The following CEP112 variants were observed in gnomAD, a reference collection of about 807,000 sequenced individuals.
CEP112 encodes centrosomal protein of 112 kDa.
In CEP112, 127 loss-of-function variants were observed where a neutral mutation model predicts 153.0. The ratio of observed to expected loss-of-function variants is 0.83; its 90% CI spans 0.72 to 0.96. The LOEUF is 0.96. Ranked by LOEUF, CEP112 falls within the 40% of genes least tolerant of loss-of-function variation. The pLI is 0.00. For missense variants in CEP112, 1,089 were observed against 1,101.2 expected (o/e 0.99, Z 0.16); for synonymous variants, 358 against 374.4 (o/e 0.96, Z 0.51).
intron 8 of CEP112, among the ~76,000 whole-genome samples, chr17:66,076,379 G>A (rs2067497689): frequency 6.6e-6 from 1 of 152,120 alleles, no homozygotes; most frequent in South Asian, 2.1e-4. Flanking sequence ...CATGGTGGGG[G>A]TGAGACCAGC....
intron 23 of CEP112, among the ~76,000 whole-genome samples, chr17:65,713,999 T>C (rs539771720): frequency 1.4e-4 from 21 of 152,184 alleles, no homozygotes; most frequent in Non-Finnish European, 2.8e-4. Context: ...GGATTTTGTT[T>C]TCTTTTTTAG....
chr17:66,107,533 T>C lies in CEP112; in HGVS notation c.643-10901A>G, dbSNP rs1325940363. 2.6e-5 allele frequency among the ~76,000 whole-genome samples: 4 copies of C among 152,034 alleles called. No individual in the cohort carries two copies. In the East Asian group the frequency reaches 7.7e-4, roughly 29 times the overall value. On this transcript the variant is annotated intron_variant, in intron 6 of 26. Transcript: ENST00000535342. ...CCTGAAAAAGAAATCAACAAATTAATTCCATTTACAATAGATACAAATAAA... is the reference window on the plus strand; with the variant it reads ...CCTGAAAAAGAAATCAACAAATTAACTCCATTTACAATAGATACAAATAAA...
intron 4 of CEP112, among the ~76,000 whole-genome samples, chr17:66,167,643 T>C (rs2072034741): frequency 6.6e-6 from 1 of 152,120 alleles, no homozygotes; most frequent in Non-Finnish European, 1.5e-5. Flanking sequence ...AAAAAACAGA[T>C]AAAACTGAAA....
Position 65,700,421 on chromosome 17 carries a change from T to C in CEP112, c.2608-11203A>G, listed in dbSNP as rs572399837. ...AAAGCAACAAACGCCAGGGAAAGTTTAGACAGTGAGAACTTCCTCAAGGAG... is the reference window on the plus strand; with the variant it reads ...AAAGCAACAAACGCCAGGGAAAGTTCAGACAGTGAGAACTTCCTCAAGGAG... On this transcript the variant is annotated intron_variant, in intron 23 of 26. Transcript: ENST00000535342. 6.6e-5 allele frequency among the ~76,000 whole-genome samples: 10 copies of C among 152,268 alleles called. No individual in the cohort carries two copies. In the South Asian group the frequency reaches 2.1e-3, roughly 32 times the overall value.
intron 20 of CEP112, among the ~76,000 whole-genome samples, chr17:65,866,948 A>C (rs183751997): frequency 6.6e-6 from 1 of 151,178 alleles, no homozygotes; most frequent in South Asian, 2.1e-4. Flanking sequence ...TGCCAAAAAA[A>C]CAAACCCATG....
intron 8 of CEP112, among the ~76,000 whole-genome samples, chr17:66,092,714 T>C (rs1195815434): frequency 6.6e-6 from 1 of 152,166 alleles, no homozygotes; most frequent in Non-Finnish European, 1.5e-5. Context: ...AAAGATACTT[T>C]AACATATGCA....
At chr17:65,784,132 T>C (rs765447328) in intron 21 of CEP112, among the ~76,000 whole-genome samples, 1 of 151,872 alleles carries the variant, frequency 6.6e-6, no homozygotes, top group African/African-American at 2.4e-5. Flanking sequence ...CGTGAGAAAA[T>C]GGGAAAAATA....
intron 21 of CEP112, among the ~76,000 whole-genome samples, chr17:65,760,954 C>G (rs984867699): frequency 9.2e-5 from 14 of 151,996 alleles, no homozygotes; most frequent in African/African-American, 3.1e-4. Flanking sequence ...TTCAGATTAT[C>G]TTTTTCTGCC....
chr17:65,742,586 A>T (rs536658427), intron 23 of CEP112, among the ~76,000 whole-genome samples: 2 of 152,342 alleles, frequency 1.3e-5, no homozygotes, highest in East Asian at 3.9e-4. Context: ...CTCAGCAGCA[A>T]CACATCTATC....
chr17:65,877,559 T>C (rs181124563), intron 20 of CEP112, among the ~76,000 whole-genome samples: 12 of 152,310 alleles, frequency 7.9e-5, no homozygotes, highest in African/African-American at 1.9e-4. Flanking sequence ...CAATTTGCCA[T>C]AAATGGTCTC....
At chr17:65,993,904 T>C (rs2063687388) in intron 17 of CEP112, among the ~76,000 whole-genome samples, 1 of 152,114 alleles carries the variant, frequency 6.6e-6, no homozygotes, top group South Asian at 2.1e-4. Flanking sequence ...AGGAGCTGCT[T>C]ACATGGGTGT....
intron 25 of CEP112, among the ~76,000 whole-genome samples, chr17:65,638,925 C>T (rs1035352766): frequency 1.8e-4 from 28 of 152,156 alleles, no homozygotes; most frequent in African/African-American, 6.0e-4. Context: ...TAAAAAAACT[C>T]CTCTGAAGGC....
intron 17 of CEP112, among the ~76,000 whole-genome samples, chr17:66,003,001 A>AGG (rs1271749380): frequency 1.3e-5 from 2 of 152,186 alleles, no homozygotes; most frequent in African/African-American, 4.8e-5. Context: ...TTAGATTCAA[A>AGG]AGCAGCAGCA....
chr17:66,175,092 G>A lies in CEP112; in HGVS notation c.422C>T (p.Ser141Phe), dbSNP rs909705671. The A allele has an allele frequency of 1.2e-6, 2 of 1,612,894 alleles. No individual in the cohort carries two copies. The highest frequency in any genetic ancestry group is 8.5e-7 in the Non-Finnish European group (1 of 1,179,468). The change falls in exon 4 of 27, where the codon TCT (serine) becomes TTT (phenylalanine). Residue 141 changes from serine (S) to phenylalanine (F), a missense_variant. Coordinates refer to ENST00000535342, the MANE Select transcript of CEP112 (RefSeq NM_001199165.4). ...EHKLNESWKL[S>F]SGEDNTLVQS... ...TACTAAAGTGTTATCTTCTCCAGAA[G>A]AGAGTTTCCATGATTCATTTAATTT...
intron 24 of CEP112, among the ~76,000 whole-genome samples, chr17:65,672,960 T>C (rs2047060009): frequency 6.6e-6 from 1 of 152,208 alleles, no homozygotes; most frequent in Non-Finnish European, 1.5e-5. Flanking sequence ...ATCATTGCTG[T>C]AACAAATTAC....
intron 24 of CEP112, among the ~76,000 whole-genome samples, chr17:65,680,705 A>G (rs1415482568): frequency 6.6e-6 from 1 of 152,208 alleles, no homozygotes; most frequent in African/African-American, 2.4e-5. Flanking sequence ...ACTGCTATAA[A>G]GATACTACCC....
chr17:65,826,229 C>T (rs774053308), intron 21 of CEP112: 13 of 1,614,182 alleles, frequency 8.1e-6, no homozygotes, highest in Middle Eastern at 1.7e-4. Context: ...ATTCTCTTCT[C>T]TCATCTCTAT....
At position 65,775,040 on chromosome 17, in the gene CEP112, C is replaced by T. The variant is rs115123735; in HGVS notation, c.2395-24316G>A. ...TCTGTGCTCAATACCCTTGATGTGG[C>T]GAGTGGGCGGGAACATGAGGCTCAG... On this transcript the variant is annotated intron_variant, in intron 21 of 26. Coordinates refer to ENST00000535342, the MANE Select transcript of CEP112 (RefSeq NM_001199165.4). Among the ~76,000 whole-genome samples the T allele has an allele frequency of 8.0e-3, 1,216 of 152,100 alleles. 10 individuals are homozygous for T. The highest frequency in any genetic ancestry group is 0.023 in the African/African-American group (969 of 41,464).
chr17:65,924,970 C>A (rs1218508357), intron 19 of CEP112, among the ~76,000 whole-genome samples: 1 of 152,156 alleles, frequency 6.6e-6, no homozygotes, highest in Non-Finnish European at 1.5e-5. Flanking sequence ...GCCCCTCCAT[C>A]CCTTTCTTCC....
Sources: gnomAD v4.1 joint callset for allele counts (sites outside exome capture counted in the v4.1 genomes callset) on GRCh38, gnomAD v4.1.1 for gene constraint, MANE v1.5 for transcripts, NCBI Gene and HGNC (gene_info 2026-07-23, HGNC 2026-07-21) for gene names.